The following ABCA4 variants were observed in gnomAD, a reference collection of about 807,000 sequenced individuals.
ABCA4 encodes retinal-specific phospholipid-transporting ATPase ABCA4.
Under a neutral mutation model 263.7 loss-of-function variants are expected in ABCA4, and 196 were observed. That is an observed-to-expected ratio of 0.74 (90% CI 0.66 to 0.84). ABCA4 has a LOEUF of 0.84. ABCA4 is among the 40% of genes least tolerant of loss of function. ABCA4 has a pLI of 0.00. For synonymous variants in ABCA4, 1,133 were observed against 1,094.2 expected (o/e 1.04, Z -0.70); for missense variants, 2,792 against 2,855.1 (o/e 0.98, Z 0.50).
In ABCA4 at chr1:93,998,313, G is replaced by T. The variant is rs1156641482; in HGVS notation, c.6480-203C>A. Among the ~76,000 whole-genome samples the T allele has an allele frequency of 2.0e-5, 3 of 151,998 alleles. No individual in the cohort carries two copies. The South Asian group carries it at 6.2e-4, about 32-fold the overall frequency. ...TAAGATAAGCCTGGGCAACAAGAAA[G>T]ACCCTGTCTCTACGAAAATTAGCAG... On this transcript the variant is annotated intron_variant, in intron 47 of 49. Transcript: ENST00000370225.
rs1201535434 is a variant in ABCA4 at position 94,031,010 on chromosome 1, C to G, written c.4239G>C (p.Gln1413His). 6.2e-7 allele frequency: 1 copy of G among 1,614,040 alleles called. No individual in the cohort carries two copies. Among genetic ancestry groups the G allele is most frequent in the Admixed American group, 1.7e-5 (1 of 60,004 alleles). Residue 1413 changes from glutamine to histidine, a missense_variant, in exon 28 of 50, where the codon CAG becomes CAC. By Grantham distance (24) the Gln-to-His change is conservative. Transcript: ENST00000370225. ...AGTCCGCGCACCTGAAGAAGGTGTA[C>G]TGCTGCCCATATATCCAGGGGTGAA... Reference protein sequence around the residue: ...LTLHPWIYGQQYTFFSMDEPG... With the variant: ...LTLHPWIYGQHYTFFSMDEPG...
At chr1:94,019,059 C>T (rs1659821126) in intron 36 of ABCA4, among the ~76,000 whole-genome samples, 1 of 120,760 alleles carries the variant, frequency 8.3e-6, no homozygotes, top group East Asian at 2.5e-4. Context: ...GTAGATATGT[C>T]CTGTGCAATA....
At chr1:94,020,997 C>T (rs1659879863) in intron 35 of ABCA4, among the ~76,000 whole-genome samples, 1 of 152,140 alleles carries the variant, frequency 6.6e-6, no homozygotes, top group African/African-American at 2.4e-5. Flanking sequence ...CTATCAAAAG[C>T]CAAAAGGGAA....
intron 47 of ABCA4, among the ~76,000 whole-genome samples, chr1:93,998,905 A>ATTTTTTT (rs11370620): frequency 1.5e-5 from 2 of 135,794 alleles, no homozygotes; most frequent in African/African-American, 5.4e-5. Context: ...CACTCGGCTA[A>ATTTTTTT]TTTTTTTTTT....
At chr1:94,019,833 A>G in intron 35 of ABCA4, 74 bp from the exon 36 acceptor site, 1 of 1,536,968 alleles carries the variant, frequency 6.5e-7, no homozygotes, top group South Asian at 1.2e-5. Flanking sequence ...ATACAAAGTC[A>G]GGCTTTGGGA....
Position 94,031,769 on chromosome 1 carries a change from C to T in ABCA4, c.4128+9G>A. ...CTGAGCTCAGCTAAACACCGACCGACAATAGTACCTGCGCCAGGAAGTCCT... is the reference window on the plus strand; with the variant it reads ...CTGAGCTCAGCTAAACACCGACCGATAATAGTACCTGCGCCAGGAAGTCCT... On this transcript the variant is annotated intron_variant, in intron 27 of 49. Transcript: ENST00000370225. 6.2e-7 allele frequency: 1 copy of T among 1,613,338 alleles called. No individual in the cohort carries two copies. Among genetic ancestry groups the T allele is most frequent in the East Asian group, 2.2e-5 (1 of 44,872 alleles).
intron 38 of ABCA4, among the ~76,000 whole-genome samples, chr1:94,012,830 A>C (rs1281461057): frequency 6.7e-6 from 1 of 150,342 alleles, no homozygotes; most frequent in African/African-American, 2.5e-5. Context: ...TCTGGAGGGC[A>C]GGACGAGTGG....
intron 9 of ABCA4, among the ~76,000 whole-genome samples, chr1:94,078,983 C>A (rs1477871748): frequency 2.0e-5 from 3 of 151,950 alleles, no homozygotes; most frequent in Non-Finnish European, 2.9e-5. Context: ...AGATTTGGAC[C>A]CCCTGGGAGA....
In ABCA4 at chr1:93,997,977, T is replaced by C. The variant is rs772018688; in HGVS notation, c.6613A>G (p.Met2205Val). The C allele has an allele frequency of 1.2e-6, 2 of 1,614,052 alleles. No individual in the cohort carries two copies. Among genetic ancestry groups the C allele is most frequent in the Admixed American group, 1.7e-5 (1 of 60,010 alleles). ...GSVQRERHYN[M>V]LQFQVSSSSL... The stretch of plus-strand genomic sequence containing the variant: ...GAGGAGGAGACCTGGAACTGGAGCA[T>C]GTTGTAGTGCCTCTCCCTCTGCACA... Residue 2205 changes from methionine (M) to valine (V), a missense_variant, in exon 48 of 50, where the codon ATG becomes GTG. Met to Val is a conservative substitution (Grantham distance 21, BLOSUM62 1). Transcript: ENST00000370225.
At chr1:94,120,617 G>A (rs1451814997) in intron 1 of ABCA4, among the ~76,000 whole-genome samples, 2 of 151,610 alleles carry the variant, frequency 1.3e-5, no homozygotes, top group South Asian at 2.1e-4. Flanking sequence ...CTGCTCTTCA[G>A]GGCTTAAAGT....
chr1:94,094,940 T>C (rs988114590), intron 6 of ABCA4, among the ~76,000 whole-genome samples: 1 of 152,188 alleles, frequency 6.6e-6, no homozygotes, highest in African/African-American at 2.4e-5. Context: ...GGTTTCAAGC[T>C]GGGGGCGTTA....
rs779222666 is a variant in ABCA4, at chr1:94,029,540, C to T, written c.4444G>A (p.Val1482Ile). The stretch of plus-strand genomic sequence containing the variant: ...CACCTGCAGGATGGTGAAGGGTTGA[C>T]CTGTGTCCATTTCTGCTTCTGGAAC... ...QLFQKQKWTQ[V>I]NPSPSCRCST... Residue 1482 changes from valine (V) to isoleucine (I), a missense_variant, in exon 30 of 50, where the codon GTC (valine) becomes ATC (isoleucine). Physicochemically the swap from Val to Ile is conservative, Grantham distance 29. Coordinates refer to ENST00000370225, the MANE Select transcript of ABCA4 (RefSeq NM_000350.3). The T allele has an allele frequency of 4.3e-6, 7 of 1,612,836 alleles. No homozygotes were observed. The highest frequency in any genetic ancestry group is 1.7e-4 in the Middle Eastern group (1 of 6,036).
At chr1:94,117,636 A>T (rs995008553) in intron 1 of ABCA4, among the ~76,000 whole-genome samples, 5 of 152,214 alleles carry the variant, frequency 3.3e-5, no homozygotes, top group Middle Eastern at 3.4e-3. Context: ...AGCGCTCGTC[A>T]TTGGGAATGC....
chr1:94,115,529 C>T (rs537256873), intron 1 of ABCA4, among the ~76,000 whole-genome samples: 7 of 152,166 alleles, frequency 4.6e-5, no homozygotes, highest in Non-Finnish European at 7.4e-5. Context: ...ACTGGGGTTC[C>T]TATCCAGCCT....
Position 94,030,519 on chromosome 1 carries a change from C to T in ABCA4, c.4261G>A (p.Glu1421Lys). ...GQQYTFFSMD[E>K]PGSEQFTVLA... ...ACCGTGAACTGCTCACTGCCTGGTTCATCCATGCTAGACAGAGTGAGACAT... is the reference window on the plus strand; with the variant it reads ...ACCGTGAACTGCTCACTGCCTGGTTTATCCATGCTAGACAGAGTGAGACAT... The change falls in exon 29 of 50, where the codon GAA becomes AAA. Residue 1421 changes from glutamate (E) to lysine (K), a missense_variant. Coordinates refer to ENST00000370225, the MANE Select transcript of ABCA4 (RefSeq NM_000350.3). 1.2e-6 allele frequency: 2 copies of T among 1,614,158 alleles called. No individual in the cohort carries two copies. Among genetic ancestry groups the T allele is most frequent in the South Asian group, 1.1e-5 (1 of 91,076 alleles).
intron 13 of ABCA4, 46 bp downstream of exon 13, chr1:94,062,531 C>A (rs986554637): frequency 3.1e-6 from 5 of 1,596,670 alleles, no homozygotes; most frequent in South Asian, 2.2e-5. Context: ...CACTCCAGCA[C>A]CCCCATTAGC....
rs533215037 is a variant in ABCA4 at position 94,007,220 on chromosome 1, C to T, written c.6005+414G>A. 2.5e-3 allele frequency among the ~76,000 whole-genome samples: 375 copies of T among 152,250 alleles called. 2 individuals carry two copies. The highest frequency in any genetic ancestry group is 8.7e-3 in the African/African-American group (361 of 41,544). The stretch of plus-strand genomic sequence containing the variant: ...TGGGATTCAAGAGCTCCTGCAGGAT[C>T]ATAAATGTGACCTGGGGCTCAGTAA... On this transcript the variant is annotated intron_variant, in intron 43 of 49. Transcript: ENST00000370225.
chr1:94,027,261 A>G (rs1028539148), intron 30 of ABCA4, among the ~76,000 whole-genome samples: 5 of 152,186 alleles, frequency 3.3e-5, no homozygotes, highest in Non-Finnish European at 5.9e-5. Context: ...AAGGACCAAC[A>G]CTACTGAAAA....
At chr1:94,114,965 G>A (rs780288875) in intron 1 of ABCA4, among the ~76,000 whole-genome samples, 4 of 152,184 alleles carry the variant, frequency 2.6e-5, no homozygotes, top group Non-Finnish European at 5.9e-5. Context: ...AAATATCCAC[G>A]GAATGAGTGA....
Sources: allele counts gnomAD v4.1 joint callset (sites outside exome capture counted in the v4.1 genomes callset), GRCh38; gene constraint gnomAD v4.1.1; transcripts MANE v1.5; gene names NCBI Gene and HGNC (gene_info 2026-07-23, HGNC 2026-07-21).